Variants in CHM observed in about 807,000 individuals in gnomAD.
CHM encodes the protein CHM Rab escort protein.
Under a neutral mutation model 49.0 loss-of-function variants are expected in CHM, and 10 were observed. That is an observed-to-expected ratio of 0.20 (90% CI 0.13 to 0.35). The LOEUF (loss-of-function observed/expected upper bound fraction) is 0.35, where lower values mean the gene tolerates loss of function less well. Ranked by LOEUF, CHM falls within the 10% of genes least tolerant of loss-of-function variation. The probability of loss-of-function intolerance (pLI) is 1.00; values close to 1 mark genes in which losing one functional copy is unlikely to be tolerated. For missense variants in CHM, 455 were observed against 478.4 expected (o/e 0.95, Z 0.46); for synonymous variants, 184 against 167.5 (o/e 1.10, Z -0.76).
chrX:86,001,650 C>A (rs778857493), intron 2 of CHM, among the ~76,000 whole-genome samples: 21 of 110,270 alleles, frequency 1.9e-4, no homozygotes, highest in African/African-American at 6.9e-4. Flanking sequence ...TGAGTGAGAA[C>A]TAACTTATCA....
intron 2 of CHM, 199 bp downstream of exon 2, chrX:86,027,292 C>T (rs1478312532): frequency 5.0e-6 from 2 of 398,678 alleles, no homozygotes; most frequent in Admixed American, 8.8e-5. Context: ...CACTATTTCA[C>T]AAAATAGTAA....
Position 85,998,015 on chromosome X carries a change from C to T in CHM, c.117-16206G>A, listed in dbSNP as rs745621663. On this transcript the variant is annotated intron_variant, in intron 2 of 14. Transcript: ENST00000357749. ...TCAGTAGCACAATAGAGATTTCAAGCTACACTTTGAAATGACTGTTGGCCA... is the reference window on the plus strand; with the variant it reads ...TCAGTAGCACAATAGAGATTTCAAGTTACACTTTGAAATGACTGTTGGCCA... Among the ~76,000 whole-genome samples the T allele has an allele frequency of 6.3e-5, 7 of 111,176 alleles. No homozygotes were observed. The South Asian group carries it at 2.7e-3, about 42-fold the overall frequency.
In CHM at chrX:86,012,389, T is replaced by C. The variant is rs148439525; in HGVS notation, c.116+15102A>G. On this transcript the variant is annotated intron_variant, in intron 2 of 14. Coordinates refer to ENST00000357749, the MANE Select transcript of CHM (RefSeq NM_000390.4). ...CACCTGGTGGCCATCAAACAGGCCATTTGGAGGATAAACTCCTTATCTAGG... is the reference window on the plus strand; with the variant it reads ...CACCTGGTGGCCATCAAACAGGCCACTTGGAGGATAAACTCCTTATCTAGG... Among the ~76,000 whole-genome samples, 1,031 of 111,968 alleles carry C rather than the reference T, an allele frequency of 9.2e-3. 8 individuals are homozygous for C. The highest frequency in any genetic ancestry group is 0.015 in the Non-Finnish European group (824 of 53,162).
At chrX:86,005,486 T>C (rs1378643370) in intron 2 of CHM, among the ~76,000 whole-genome samples, 1 of 111,485 alleles carries the variant, frequency 9.0e-6, no homozygotes, top group African/African-American at 3.3e-5. Context: ...GCTGGTTTTT[T>C]GAAAAGATCA....
At chrX:86,036,875 T>C (rs942829010) in intron 1 of CHM, among the ~76,000 whole-genome samples, 2 of 110,847 alleles carry the variant, frequency 1.8e-5, no homozygotes, top group African/African-American at 6.6e-5. Flanking sequence ...TGGCCATGAG[T>C]TGATAACTGT....
At chrX:86,023,548 ATG>A (rs1933690736) in intron 2 of CHM, among the ~76,000 whole-genome samples, 1 of 111,456 alleles carries the variant, frequency 9.0e-6, no homozygotes, top group African/African-American at 3.3e-5. Context: ...ATAGCATAGC[ATG>A]TGTGTCTATT....
At chrX:86,035,476 G>T (rs1285103609) in intron 1 of CHM, among the ~76,000 whole-genome samples, 1 of 111,320 alleles carries the variant, frequency 9.0e-6, no homozygotes, top group East Asian at 2.8e-4. Context: ...TGAAAAAATG[G>T]AGTTAAAAAA....
intron 12 of CHM, among the ~76,000 whole-genome samples, chrX:85,883,667 C>T (rs184274566): frequency 1.2e-4 from 13 of 110,427 alleles, no homozygotes; most frequent in Non-Finnish European, 2.3e-4. Flanking sequence ...ATGAAAAAGG[C>T]ACTGATAATT....
chrX:85,965,614 G>C (rs899573969), intron 4 of CHM, among the ~76,000 whole-genome samples: 2 of 109,923 alleles, frequency 1.8e-5, no homozygotes, highest in Non-Finnish European at 3.8e-5. Context: ...AAAAAATAAG[G>C]CCAAGAAAAA....
intron 1 of CHM, among the ~76,000 whole-genome samples, chrX:86,037,440 C>A (rs1047446451): frequency 1.3e-4 from 14 of 111,271 alleles, no homozygotes; most frequent in Non-Finnish European, 1.9e-5. Flanking sequence ...ATTTTCTTAA[C>A]ACAAATATTT....
chrX:85,880,474 A>G (rs1009677695), intron 12 of CHM, among the ~76,000 whole-genome samples: 1 of 111,386 alleles, frequency 9.0e-6, no homozygotes, highest in African/African-American at 3.3e-5. Flanking sequence ...GTGAAATACC[A>G]ATGCCCAAAG....
chrX:85,976,865 AACACACACAAACACACACAC>A (rs1367903397), intron 4 of CHM, among the ~76,000 whole-genome samples: 3 of 71,124 alleles, frequency 4.2e-5, no homozygotes, highest in Non-Finnish European at 8.6e-5. Flanking sequence ...CTAGGGGGAA[AACACACACAAACACACACAC>A]ACACACACAC....
intron 12 of CHM, among the ~76,000 whole-genome samples, chrX:85,881,944 A>G: frequency 8.9e-6 from 1 of 112,242 alleles, no homozygotes; most frequent in Non-Finnish European, 1.9e-5. Context: ...TTGCCCTAGA[A>G]AGTTTCAAAA....
At chrX:85,985,721 C>G (rs924867330) in intron 2 of CHM, among the ~76,000 whole-genome samples, 1 of 112,714 alleles carries the variant, frequency 8.9e-6, no homozygotes, top group African/African-American at 3.2e-5. Flanking sequence ...GGCAGGCCAT[C>G]ATCTTTGCTG....
intron 9 of CHM, among the ~76,000 whole-genome samples, chrX:85,902,875 T>C (rs1276532617): frequency 1.8e-5 from 2 of 111,518 alleles, no homozygotes; most frequent in Non-Finnish European, 3.8e-5. Flanking sequence ...CTATGTAAAG[T>C]CAAGAGGAAA....
chrX:85,865,737 G>A (rs1923651459), intron 14 of CHM, among the ~76,000 whole-genome samples: 1 of 112,166 alleles, frequency 8.9e-6, no homozygotes, highest in Admixed American at 9.5e-5. Context: ...AGATGGAGAT[G>A]AGGAACTTAT....
chrX:85,879,734 TAA>T (rs1924642001), intron 12 of CHM, among the ~76,000 whole-genome samples: 1 of 111,031 alleles, frequency 9.0e-6, no homozygotes, highest in Non-Finnish European at 1.9e-5. Flanking sequence ...GAAGAAAGAA[TAA>T]AGAGTTCTGT....
At chrX:85,958,703 T>C (rs1930132885) in intron 6 of CHM, among the ~76,000 whole-genome samples, 158 bp downstream of exon 6, 1 of 111,775 alleles carries the variant, frequency 8.9e-6, no homozygotes, top group Admixed American at 9.5e-5. Flanking sequence ...AAATTAGCAC[T>C]AGAAATTTTA....
chrX:85,957,315 A>G (rs1446295949), intron 7 of CHM, among the ~76,000 whole-genome samples: 1 of 111,851 alleles, frequency 8.9e-6, no homozygotes, highest in Non-Finnish European at 1.9e-5. Flanking sequence ...CCCAGATCAC[A>G]TAATGAAATA....
Sources: allele counts gnomAD v4.1 joint callset (sites outside exome capture counted in the v4.1 genomes callset), GRCh38; gene constraint gnomAD v4.1.1; transcripts MANE v1.5; gene names NCBI Gene and HGNC (gene_info 2026-07-23, HGNC 2026-07-21).